The following XIRP2 variants were observed in gnomAD, a reference collection of about 807,000 sequenced individuals.
XIRP2 encodes xin actin-binding repeat-containing protein 2.
In XIRP2, 236 loss-of-function variants were observed where a neutral mutation model predicts 277.0. The ratio of observed to expected loss-of-function variants is 0.85; its 90% confidence interval spans 0.77 to 0.95. The LOEUF (loss-of-function observed/expected upper bound fraction) is 0.95, where lower values mean the gene tolerates loss of function less well. XIRP2 is among the 40% of genes least tolerant of loss of function. The pLI, the probability that XIRP2 is intolerant of heterozygous loss-of-function variation, is 0.00. For missense variants in XIRP2, 4,640 were observed against 4,157.5 expected, an observed-to-expected ratio of 1.12 and a Z score of -3.19; for synonymous variants, 1,490 against 1,416.5, an observed-to-expected ratio of 1.05 and a Z score of -1.17.
At chr2:167,133,101 A>G (rs972609943) in intron 2 of XIRP2, among the ~76,000 whole-genome samples, 1 of 152,142 alleles carries the variant, frequency 6.6e-6, no homozygotes, top group Admixed American at 6.6e-5. Flanking sequence ...CACAAAGCTT[A>G]TTAGTAGCCA....
chr2:167,059,451 A>G (rs1689124658), intron 2 of XIRP2, among the ~76,000 whole-genome samples: 1 of 79,066 alleles, frequency 1.3e-5, no homozygotes, highest in African/African-American at 6.0e-5. Context: ...CATGTGGAAA[A>G]AAATAAAATA....
At chr2:167,007,703 T>TCTCTCA (rs1389098863) in intron 2 of XIRP2, among the ~76,000 whole-genome samples, 37 of 130,158 alleles carry the variant, frequency 2.8e-4, no homozygotes, top group East Asian at 1.0e-3. Context: ...TCTCTCTCTC[T>TCTCTCA]CACACACACA....
At chr2:167,042,482 G>T (rs1688682504) in intron 2 of XIRP2, among the ~76,000 whole-genome samples, 1 of 152,022 alleles carries the variant, frequency 6.6e-6, no homozygotes, top group South Asian at 2.1e-4. Flanking sequence ...TCAAAGTAAA[G>T]GGATGGAGAA....
chr2:166,903,236 C>T (rs557426850), intron 1 of XIRP2, among the ~76,000 whole-genome samples: 22 of 152,172 alleles, frequency 1.4e-4, no homozygotes, highest in East Asian at 7.8e-4. Flanking sequence ...ATTCAAACTG[C>T]CATGGCTATA....
chr2:166,918,028 G>T (rs1684937359), intron 2 of XIRP2, among the ~76,000 whole-genome samples: 1 of 152,080 alleles, frequency 6.6e-6, no homozygotes, highest in Non-Finnish European at 1.5e-5. Flanking sequence ...TTTTTTCATG[G>T]TTACAGATTT....
intron 2 of XIRP2, among the ~76,000 whole-genome samples, chr2:167,098,465 G>A (rs79007771): frequency 0.033 from 5,089 of 152,194 alleles, 105 homozygotes; most frequent in East Asian, 0.1. Flanking sequence ...TTATCAAGGC[G>A]TTAGCTTCCT....
chr2:167,121,078 T>G (rs1423035913), intron 2 of XIRP2, among the ~76,000 whole-genome samples: 2 of 152,176 alleles, frequency 1.3e-5, no homozygotes, highest in South Asian at 4.1e-4. Flanking sequence ...AACTGTGTTG[T>G]GTTCACTAAG....
intron 2 of XIRP2, among the ~76,000 whole-genome samples, chr2:166,941,994 C>A (rs1032809552): frequency 6.6e-6 from 1 of 152,190 alleles, no homozygotes; most frequent in Non-Finnish European, 1.5e-5. Context: ...AAAATTCTAA[C>A]CTCTCAAGTT....
At chr2:166,922,198 T>C (rs1261338412) in intron 2 of XIRP2, among the ~76,000 whole-genome samples, 1 of 152,138 alleles carries the variant, frequency 6.6e-6, no homozygotes, top group African/African-American at 2.4e-5. Flanking sequence ...AGAAGCACCT[T>C]TCCTTCCCTG....
At chr2:167,228,579 A>G (rs937779011) in intron 5 of XIRP2, among the ~76,000 whole-genome samples, 3 of 152,144 alleles carry the variant, frequency 2.0e-5, no homozygotes, top group African/African-American at 7.2e-5. Flanking sequence ...AAGTACACTA[A>G]TCTTCCTGGT....
chr2:167,204,026 A>G (rs907274614), intron 3 of XIRP2, among the ~76,000 whole-genome samples: 8 of 152,056 alleles, frequency 5.3e-5, no homozygotes, highest in Non-Finnish European at 8.8e-5. Flanking sequence ...CAGCAAGGCT[A>G]TTGATGTATC....
intron 2 of XIRP2, among the ~76,000 whole-genome samples, chr2:166,929,976 T>C (rs899825507): frequency 4.6e-5 from 7 of 152,120 alleles, no homozygotes; most frequent in African/African-American, 1.7e-4. Context: ...TACAGAGAGT[T>C]ACTGTAATTT....
chr2:167,015,205 A>G (rs774325064), intron 2 of XIRP2, among the ~76,000 whole-genome samples: 1 of 151,892 alleles, frequency 6.6e-6, no homozygotes, highest in Non-Finnish European at 1.5e-5. Flanking sequence ...TATAATTGAT[A>G]CTATGGCAAT....
At chr2:167,137,855 C>T (rs35881624) in intron 3 of XIRP2, among the ~76,000 whole-genome samples, 81 of 152,112 alleles carry the variant, frequency 5.3e-4, no homozygotes, top group Non-Finnish European at 1.0e-3. Flanking sequence ...CGTAGCAATA[C>T]ATTTAAAAGA....
At chr2:167,139,828 T>C (rs1339991162) in intron 3 of XIRP2, among the ~76,000 whole-genome samples, 3 of 152,208 alleles carry the variant, frequency 2.0e-5, no homozygotes, top group Non-Finnish European at 4.4e-5. Context: ...GTAGCTATTA[T>C]GCAATTAAAA....
chr2:167,186,833 C>A (rs1322252379), intron 3 of XIRP2, among the ~76,000 whole-genome samples: 6 of 150,802 alleles, frequency 4.0e-5, no homozygotes, highest in African/African-American at 1.5e-4. Flanking sequence ...ACTAAACCAG[C>A]ACAGCCTTTA....
chr2:167,041,981 CAG>C (rs1688669923), intron 2 of XIRP2, among the ~76,000 whole-genome samples: 2 of 152,134 alleles, frequency 1.3e-5, no homozygotes, highest in African/African-American at 2.4e-5. Flanking sequence ...ATCAGGCTAA[CAG>C]TGGAAATTTC....
chr2:167,088,287 C>A (rs1249498063), intron 2 of XIRP2, among the ~76,000 whole-genome samples: 1 of 152,068 alleles, frequency 6.6e-6, no homozygotes, highest in Admixed American at 6.6e-5. Context: ...TTATCCTAGC[C>A]ACCTCTTAGG....
intron 2 of XIRP2, among the ~76,000 whole-genome samples, chr2:166,964,255 A>G (rs1686369824): frequency 6.6e-6 from 1 of 150,956 alleles, no homozygotes; most frequent in Admixed American, 6.6e-5. Flanking sequence ...AATACTTTCA[A>G]ATATTTAATT....
Sources: gnomAD v4.1 joint callset for allele counts (sites outside exome capture counted in the v4.1 genomes callset) on GRCh38, gnomAD v4.1.1 for gene constraint, MANE v1.5 for transcripts, NCBI Gene and HGNC (gene_info 2026-07-23, HGNC 2026-07-21) for gene names.